GRM8: variants seen among roughly 807,000 people sequenced by gnomAD.
The protein encoded by GRM8 is metabotropic glutamate receptor 8.
In GRM8, 47 loss-of-function variants were observed where a neutral mutation model predicts 87.2. The ratio of observed to expected loss-of-function variants is 0.54; its 90% CI spans 0.43 to 0.69. The LOEUF is 0.69. Among genes scored for constraint, GRM8 ranks in the 30% least tolerant of loss-of-function variants. GRM8 has a pLI of 0.00. For missense variants in GRM8, 1,019 were observed against 1,139.2 expected, an observed-to-expected ratio of 0.89 and a Z score of 1.52; for synonymous variants, 396 against 404.5, an observed-to-expected ratio of 0.98 and a Z score of 0.25.
chr7:126,940,684 C>T (rs530783055), intron 3 of GRM8, among the ~76,000 whole-genome samples: 5 of 152,218 alleles, frequency 3.3e-5, no homozygotes, highest in Admixed American at 6.5e-5. Flanking sequence ...CATATAGGCA[C>T]AGACTTATTC....
At chr7:126,543,892 CCAAT>C (rs1816827997) in intron 8 of GRM8, among the ~76,000 whole-genome samples, 1 of 152,056 alleles carries the variant, frequency 6.6e-6, no homozygotes, top group Admixed American at 6.6e-5. Context: ...GTGCAAGAGG[CCAAT>C]CAAATAGTTA....
chr7:126,741,803 T>C (rs958207409), intron 7 of GRM8, among the ~76,000 whole-genome samples: 2 of 152,096 alleles, frequency 1.3e-5, no homozygotes, highest in African/African-American at 2.4e-5. Context: ...CAGTACAGCA[T>C]GATGTTTAAG....
intron 2 of GRM8, among the ~76,000 whole-genome samples, chr7:127,210,942 C>T (rs1796178090): frequency 1.3e-5 from 2 of 152,176 alleles, no homozygotes; most frequent in Admixed American, 1.3e-4. Flanking sequence ...TTGTAAACTT[C>T]TGAAAGCCAA....
intron 2 of GRM8, among the ~76,000 whole-genome samples, chr7:127,235,864 A>T (rs1332280431): frequency 2.0e-5 from 3 of 152,248 alleles, no homozygotes; most frequent in African/African-American, 4.8e-5. Flanking sequence ...TTTCCCAAAC[A>T]TATTAAGTGA....
At chr7:127,153,163 A>G (rs1587146169) in intron 2 of GRM8, among the ~76,000 whole-genome samples, 1 of 152,226 alleles carries the variant, frequency 6.6e-6, no homozygotes, top group East Asian at 1.9e-4. Context: ...GGAAGGATTC[A>G]TTAATGAAGT....
At chr7:126,479,032 C>T (rs1398921785) in intron 9 of GRM8, among the ~76,000 whole-genome samples, 3 of 152,016 alleles carry the variant, frequency 2.0e-5, no homozygotes, top group Non-Finnish European at 2.9e-5. Context: ...TTAGTCTCTA[C>T]ATCAATCATG....
chr7:126,988,317 C>T (rs181034253), intron 3 of GRM8, among the ~76,000 whole-genome samples: 3 of 152,328 alleles, frequency 2.0e-5, no homozygotes, highest in African/African-American at 7.2e-5. Flanking sequence ...CACCACTTTA[C>T]ATATTTCCAG....
intron 7 of GRM8, among the ~76,000 whole-genome samples, chr7:126,684,704 A>G (rs1365055672): frequency 6.6e-6 from 1 of 152,216 alleles, no homozygotes; most frequent in Non-Finnish European, 1.5e-5. Flanking sequence ...TGCAGATTCT[A>G]GGGATTATCT....
chr7:126,764,285 G>A (rs149789775), intron 7 of GRM8, among the ~76,000 whole-genome samples: 3 of 151,932 alleles, frequency 2.0e-5, no homozygotes, highest in African/African-American at 7.2e-5. Flanking sequence ...TATAGACTGA[G>A]AAAGATGTGC....
chr7:126,897,469 G>T (rs1228952263), intron 6 of GRM8, among the ~76,000 whole-genome samples: 1 of 152,016 alleles, frequency 6.6e-6, no homozygotes, highest in Non-Finnish European at 1.5e-5. Context: ...TGTGAAAAAT[G>T]TGTAAAGACA....
chr7:126,560,050 C>T (rs1329317132), intron 8 of GRM8, among the ~76,000 whole-genome samples: 1 of 152,204 alleles, frequency 6.6e-6, no homozygotes, highest in Non-Finnish European at 1.5e-5. Flanking sequence ...GAGCAGAAGG[C>T]TAAGCTGTAC....
chr7:126,855,842 G>C (rs1000116085), intron 6 of GRM8, among the ~76,000 whole-genome samples: 2 of 152,006 alleles, frequency 1.3e-5, no homozygotes, highest in Non-Finnish European at 2.9e-5. Flanking sequence ...ATCATGAAGT[G>C]AACTGCCAGC....
intron 3 of GRM8, among the ~76,000 whole-genome samples, chr7:126,988,082 A>T (rs2131919400): frequency 6.6e-6 from 1 of 152,338 alleles, no homozygotes; most frequent in Admixed American, 6.5e-5. Flanking sequence ...TTTAAAAAAA[A>T]AAAATGACAA....
chr7:126,674,913 G>A (rs1464559063), intron 7 of GRM8, among the ~76,000 whole-genome samples: 1 of 152,264 alleles, frequency 6.6e-6, no homozygotes, highest in East Asian at 1.9e-4. Flanking sequence ...GAATGGATAT[G>A]GGCCAAATAT....
intron 6 of GRM8, among the ~76,000 whole-genome samples, chr7:126,881,675 T>C (rs1462455106): frequency 1.3e-5 from 2 of 152,106 alleles, no homozygotes; most frequent in Non-Finnish European, 2.9e-5. Flanking sequence ...ACATTTGGAG[T>C]AAGAGAACAG....
intron 9 of GRM8, among the ~76,000 whole-genome samples, chr7:126,463,984 T>G (rs538014310): frequency 6.6e-6 from 1 of 151,896 alleles, no homozygotes; most frequent in South Asian, 2.1e-4. Context: ...AAAATATAGT[T>G]ACAGTTTTAA....
At chr7:126,607,366 T>G (rs908976040) in intron 8 of GRM8, among the ~76,000 whole-genome samples, 4 of 152,228 alleles carry the variant, frequency 2.6e-5, no homozygotes, top group Non-Finnish European at 5.9e-5. Context: ...CTCCCTAGTT[T>G]TGTAATTTCT....
At chr7:127,126,004 G>A (rs1398232283) in intron 2 of GRM8, among the ~76,000 whole-genome samples, 1 of 122,990 alleles carries the variant, frequency 8.1e-6, no homozygotes, top group African/African-American at 4.3e-5. Flanking sequence ...GCGGAGAAAA[G>A]GGAATGCTTT....
intron 8 of GRM8, among the ~76,000 whole-genome samples, chr7:126,561,311 A>T (rs933777604): frequency 6.6e-6 from 1 of 152,062 alleles, no homozygotes; most frequent in Non-Finnish European, 1.5e-5. Context: ...TCTCCACTAA[A>T]AATATAAAAA....
Sources: gnomAD v4.1 joint callset for allele counts (sites outside exome capture counted in the v4.1 genomes callset) on GRCh38, gnomAD v4.1.1 for gene constraint, MANE v1.5 for transcripts, NCBI Gene and HGNC (gene_info 2026-07-23, HGNC 2026-07-21) for gene names.